Variants in RCAN2 observed in about 807,000 individuals in gnomAD.
The protein encoded by RCAN2 is calcipressin-2.
A neutral mutation model predicts 23.6 loss-of-function variants in RCAN2; 9 were observed. The observed-to-expected ratio is 0.38, with a 90% confidence interval of 0.23 to 0.67. The LOEUF (loss-of-function observed/expected upper bound fraction) is 0.67, where lower values mean the gene tolerates loss of function less well. Ranked by LOEUF, RCAN2 falls within the 30% of genes least tolerant of loss-of-function variation. The probability of loss-of-function intolerance (pLI) is 0.51; values close to 1 mark genes in which losing one functional copy is unlikely to be tolerated. For synonymous variants in RCAN2, 109 were observed against 115.7 expected, an observed-to-expected ratio of 0.94 and a Z score of 0.37; for missense variants, 273 against 302.3, an observed-to-expected ratio of 0.90 and a Z score of 0.72.
chr6:46,371,953 G>A (rs1273928601), intron 2 of RCAN2, among the ~76,000 whole-genome samples: 1 of 152,156 alleles, frequency 6.6e-6, no homozygotes, highest in Non-Finnish European at 1.5e-5. Flanking sequence ...TTCATAAATG[G>A]GGAACAGAGC....
chr6:46,406,513 ACT>A (rs1167155066), intron 2 of RCAN2, among the ~76,000 whole-genome samples: 1 of 152,206 alleles, frequency 6.6e-6, no homozygotes, highest in Non-Finnish European at 1.5e-5. Flanking sequence ...CTCACTGATC[ACT>A]CAGCCTTCAA....
intron 2 of RCAN2, among the ~76,000 whole-genome samples, chr6:46,385,075 T>C (rs1765707446): frequency 6.6e-6 from 1 of 152,230 alleles, no homozygotes; most frequent in Non-Finnish European, 1.5e-5. Context: ...TTGCATATGT[T>C]TGAAATTTTC....
intron 2 of RCAN2, among the ~76,000 whole-genome samples, chr6:46,388,253 AAATAAT>A (rs574565168): frequency 1.3e-5 from 2 of 151,394 alleles, no homozygotes; most frequent in Non-Finnish European, 2.9e-5. Context: ...GAAGTATAAT[AAATAAT>A]AATAATAATA....
At chr6:46,328,356 C>T (rs1178598571) in intron 2 of RCAN2, among the ~76,000 whole-genome samples, 3 of 152,130 alleles carry the variant, frequency 2.0e-5, no homozygotes, top group Non-Finnish European at 4.4e-5. Context: ...CAGAGGAATA[C>T]ATATTTTAAT....
At chr6:46,303,603 G>A (rs1201377114) in intron 2 of RCAN2, among the ~76,000 whole-genome samples, 1 of 151,888 alleles carries the variant, frequency 6.6e-6, no homozygotes, top group Non-Finnish European at 1.5e-5. Context: ...GATTTAAAAC[G>A]GTTCCAGTAC....
intron 2 of RCAN2, among the ~76,000 whole-genome samples, chr6:46,327,238 A>T (rs1048990556): frequency 6.6e-6 from 1 of 152,192 alleles, no homozygotes; most frequent in Admixed American, 6.5e-5. Flanking sequence ...GGAGCACTGG[A>T]GAAAGAGCAA....
chr6:46,463,039 G>C (rs1345541737), intron 1 of RCAN2, among the ~76,000 whole-genome samples: 4 of 152,168 alleles, frequency 2.6e-5, no homozygotes, highest in African/African-American at 9.7e-5. Context: ...GCTTATAATA[G>C]TTTTACCATC....
Position 46,222,974 on chromosome 6 carries a change from A to G in RCAN2, c.*167T>C. The stretch of plus-strand genomic sequence containing the variant: ...ACTTAATGGGTATGATATGATCAGG[A>G]GACATATCACCTTTTCCTAGCCCTT... On this transcript the variant is annotated 3_prime_UTR_variant, in exon 5 of 5. Coordinates refer to ENST00000371374, the MANE Select transcript of RCAN2 (RefSeq NM_001251974.2). 1.5e-6 allele frequency: 1 copy of G among 671,508 alleles called. No individual in the cohort carries two copies. The highest frequency in any genetic ancestry group is 1.9e-5 in the South Asian group (1 of 52,902). The allele number at this position is 671,508 out of a possible 1,614,324, so 41.6% of individuals were successfully genotyped here.
chr6:46,356,837 G>A (rs938913210), intron 2 of RCAN2, among the ~76,000 whole-genome samples: 6 of 152,190 alleles, frequency 3.9e-5, no homozygotes, highest in African/African-American at 1.4e-4. Flanking sequence ...TGCCCTGTCA[G>A]ATGAACATTA....
At chr6:46,466,163 T>C (rs1561917171) in intron 1 of RCAN2, among the ~76,000 whole-genome samples, 1 of 152,200 alleles carries the variant, frequency 6.6e-6, no homozygotes, top group South Asian at 2.1e-4. Flanking sequence ...AGTGGAGCAA[T>C]GTTATGCAAA....
chr6:46,351,061 T>G (rs1174617007), intron 2 of RCAN2, among the ~76,000 whole-genome samples: 4 of 152,286 alleles, frequency 2.6e-5, no homozygotes, highest in Admixed American at 6.5e-5. Context: ...AAAGGGTATA[T>G]AGTCTAGCTA....
chr6:46,433,527 G>A (rs147919792), intron 2 of RCAN2, among the ~76,000 whole-genome samples: 4 of 152,278 alleles, frequency 2.6e-5, no homozygotes, highest in African/African-American at 7.2e-5. Flanking sequence ...CAGAGAAGGA[G>A]GTGTGTTATT....
In RCAN2 at chr6:46,223,111, G is replaced by A. The variant is rs1410155431; in HGVS notation, c.*30C>T. On this transcript the variant is annotated 3_prime_UTR_variant, in exon 5 of 5. Coordinates refer to ENST00000371374, the MANE Select transcript of RCAN2 (RefSeq NM_001251974.2). ...GGGGGAAAAAGCATGATAAAGAGGA[G>A]ACGGCTATTATCGAGAAGGAGCAGG... is the stretch of plus-strand genomic sequence containing the variant. 3 of 1,610,130 alleles carry A rather than the reference G, an allele frequency of 1.9e-6. No homozygotes were observed. The highest frequency in any genetic ancestry group is 2.5e-6 in the Non-Finnish European group (3 of 1,178,748).
chr6:46,254,607 G>A (rs772905645), intron 2 of RCAN2, among the ~76,000 whole-genome samples: 6 of 152,120 alleles, frequency 3.9e-5, no homozygotes, highest in Non-Finnish European at 5.9e-5. Context: ...GGGCAGTCAC[G>A]GTCACAAGCA....
intron 2 of RCAN2, among the ~76,000 whole-genome samples, chr6:46,409,260 T>C (rs892287138): frequency 6.6e-6 from 1 of 152,132 alleles, no homozygotes; most frequent in African/African-American, 2.4e-5. Flanking sequence ...ATGAAAGCAA[T>C]AACTAAAAAT....
chr6:46,481,275 T>C (rs1435515717), intron 1 of RCAN2, among the ~76,000 whole-genome samples: 1 of 152,198 alleles, frequency 6.6e-6, no homozygotes. Context: ...ACCTGATTCA[T>C]AGTAGAGGTA....
rs191756237 is a variant in RCAN2, at chr6:46,456,965, T to G, written c.12A>C (p.Glu4Asp). Reference protein sequence around the residue: MRGESYFIGMRSPG... With the variant: MRGDSYFIGMRSPG... The stretch of plus-strand genomic sequence containing the variant: ...GGCTCCTCATTCCGATGAAGTATGA[T>G]TCTCCCCTCATTCCTGGGGATACAA... Residue 4 changes from glutamate to aspartate, a missense_variant, in exon 2 of 5, where the codon GAA becomes GAC. Glu to Asp is a conservative substitution (Grantham distance 45). Transcript: ENST00000371374. The G allele has an allele frequency of 6.7e-3, 10,381 of 1,549,912 alleles. 49 individuals carry two copies. The highest frequency in any genetic ancestry group is 7.8e-3 in the Non-Finnish European group (8,980 of 1,146,182).
intron 2 of RCAN2, among the ~76,000 whole-genome samples, chr6:46,439,793 G>A (rs1767478819): frequency 6.6e-6 from 1 of 152,100 alleles, no homozygotes; most frequent in Non-Finnish European, 1.5e-5. Context: ...TTTAGAACAA[G>A]TCTACATATA....
chr6:46,348,294 A>G (rs1029519526), intron 2 of RCAN2, among the ~76,000 whole-genome samples: 12 of 152,348 alleles, frequency 7.9e-5, no homozygotes, highest in African/African-American at 2.9e-4. Flanking sequence ...GTCAGATCAC[A>G]ACCTCTGTGA....
Sources: gnomAD v4.1 joint callset for allele counts (sites outside exome capture counted in the v4.1 genomes callset) on GRCh38, gnomAD v4.1.1 for gene constraint, MANE v1.5 for transcripts, NCBI Gene and HGNC (gene_info 2026-07-23, HGNC 2026-07-21) for gene names.